The following CLDN14 variants were observed in gnomAD, a reference collection of about 807,000 sequenced individuals.
The protein encoded by CLDN14 is claudin-14.
In CLDN14, 2 loss-of-function variants were observed where a neutral mutation model predicts 2.1. The observed-to-expected ratio is 0.96, with a 90% CI of 0.39 to 3.01. The LOEUF (loss-of-function observed/expected upper bound fraction) is 3.01, where lower values mean the gene tolerates loss of function less well. Among genes scored for constraint, CLDN14 ranks in the 30% most tolerant of loss-of-function variants. The pLI is 0.09. For synonymous variants in CLDN14, 136 were observed against 154.4 expected (o/e 0.88, Z 0.88); for missense variants, 298 against 328.0 (o/e 0.91, Z 0.71).
intron 1 of CLDN14, among the ~76,000 whole-genome samples, chr21:36,525,931 A>T (rs1013424859): frequency 6.6e-6 from 1 of 152,130 alleles, no homozygotes; most frequent in African/African-American, 2.4e-5. Context: ...CCTGCCCACA[A>T]AAAGCCTGGC....
chr21:36,495,814 G>A (rs2087011218), intron 2 of CLDN14, among the ~76,000 whole-genome samples: 1 of 152,184 alleles, frequency 6.6e-6, no homozygotes, highest in Non-Finnish European at 1.5e-5. Flanking sequence ...AGGTCACAGT[G>A]GATTAGGGTG....
intron 1 of CLDN14, among the ~76,000 whole-genome samples, chr21:36,476,798 G>A (rs1375748351): frequency 1.3e-5 from 2 of 152,228 alleles, no homozygotes; most frequent in African/African-American, 2.4e-5. Flanking sequence ...AGGCCCCAAA[G>A]CATACACTCA....
At chr21:36,541,515 A>G (rs576849420) in intron 1 of CLDN14, among the ~76,000 whole-genome samples, 14 of 152,334 alleles carry the variant, frequency 9.2e-5, no homozygotes, top group South Asian at 2.1e-4. Flanking sequence ...TATAAAGCCG[A>G]TTGTCTAATA....
intron 1 of CLDN14, among the ~76,000 whole-genome samples, chr21:36,478,385 A>G (rs1402718196): frequency 6.6e-6 from 1 of 152,230 alleles, no homozygotes; most frequent in Non-Finnish European, 1.5e-5. Context: ...CACTGTCTAC[A>G]CAGGAATGAC....
At chr21:36,556,436 T>C (rs2087599667) in intron 1 of CLDN14, among the ~76,000 whole-genome samples, 1 of 152,122 alleles carries the variant, frequency 6.6e-6, no homozygotes, top group Admixed American at 6.5e-5. Flanking sequence ...TTGGGATCTC[T>C]TTATGGGGGT....
chr21:36,488,529 C>G (rs941674251), intron 2 of CLDN14, among the ~76,000 whole-genome samples: 53 of 152,030 alleles, frequency 3.5e-4, no homozygotes, highest in African/African-American at 1.2e-3. Flanking sequence ...CTCGGCCTCC[C>G]AAAGTGCTGG....
chr21:36,520,110 G>C (rs1382148078), intron 1 of CLDN14, among the ~76,000 whole-genome samples: 4 of 152,084 alleles, frequency 2.6e-5, no homozygotes, highest in African/African-American at 9.7e-5. Context: ...GCCCCTCCCT[G>C]GCTTCTAAAC....
At position 36,486,702 on chromosome 21, in the gene CLDN14, CCTT is replaced by C. The variant is rs1364648071; in HGVS notation, c.-82+23658_-82+23660del. 11 of 1,277,218 alleles carry C rather than the reference CCTT, an allele frequency of 8.6e-6. No individual in the cohort carries two copies. The Admixed American group carries it at 1.2e-4, about 14-fold the overall frequency. The allele number at this position is 1,277,218 out of a possible 1,614,324, so 79.1% of individuals were successfully genotyped here. A position where few individuals can be genotyped will look rare whatever the true frequency, so the allele number is the denominator to read the frequency against. ...TTTATCATGTCAACATTTACTTTCT[CCTT>C]CTTGAGGAATTTAGCCAGTTTCACC... On this transcript the variant is annotated intron_variant, in intron 2 of 2. Coordinates refer to the CLDN14 transcript ENST00000342108.
intron 1 of CLDN14, among the ~76,000 whole-genome samples, chr21:36,547,151 A>T (rs1289515571): frequency 6.6e-6 from 1 of 152,232 alleles, no homozygotes; most frequent in Non-Finnish European, 1.5e-5. Context: ...TGTGTTTTCA[A>T]GTTGACAAAT....
chr21:36,511,077 A>G (rs2087182906), intron 1 of CLDN14, among the ~76,000 whole-genome samples: 2 of 152,188 alleles, frequency 1.3e-5, no homozygotes. Flanking sequence ...TCCGATGGTC[A>G]TGGCTATTTC....
At chr21:36,488,713 G>T (rs2086926510) in intron 2 of CLDN14, among the ~76,000 whole-genome samples, 1 of 152,158 alleles carries the variant, frequency 6.6e-6, no homozygotes, top group Admixed American at 6.5e-5. Flanking sequence ...GGAGGAGAAA[G>T]CTCCGGAGAG....
At chr21:36,489,847 G>A (rs1209184986) in intron 2 of CLDN14, among the ~76,000 whole-genome samples, 1 of 152,122 alleles carries the variant, frequency 6.6e-6, no homozygotes, top group Non-Finnish European at 1.5e-5. Flanking sequence ...TCCCATCCAA[G>A]CCCCAAGTTC....
At position 36,498,249 on chromosome 21, in the gene CLDN14, C is replaced by G. The variant is rs2087057433; in HGVS notation, c.-82+12114G>C. 6.6e-6 allele frequency among the ~76,000 whole-genome samples: 1 copy of G among 152,142 alleles called. No individual in the cohort carries two copies. The highest frequency in any genetic ancestry group is 2.4e-5 in the African/African-American group (1 of 41,428). ...CTCCTGACCTCAGGCGGTCCACCTGCCTTGGCCTCCCAAAGTGCTGGGATT... is the reference window on the plus strand; with the variant it reads ...CTCCTGACCTCAGGCGGTCCACCTGGCTTGGCCTCCCAAAGTGCTGGGATT... On this transcript the variant is annotated intron_variant, in intron 2 of 2. Coordinates refer to the CLDN14 transcript ENST00000342108. The surrounding 1 kb of genome is among the most constrained non-coding windows in gnomAD (Gnocchi z 4.9).
At chr21:36,518,809 T>A (rs2087247949) in intron 1 of CLDN14, among the ~76,000 whole-genome samples, 1 of 152,266 alleles carries the variant, frequency 6.6e-6, no homozygotes, top group South Asian at 2.1e-4. Context: ...GGCACACAAT[T>A]AATGGGAATA....
At chr21:36,525,654 C>T (rs944309843) in intron 1 of CLDN14, among the ~76,000 whole-genome samples, 2 of 152,080 alleles carry the variant, frequency 1.3e-5, no homozygotes, top group African/African-American at 2.4e-5. Flanking sequence ...ATGGAAAGGG[C>T]GGGTGATGGG....
At chr21:36,485,607 G>A (rs911626610) in intron 2 of CLDN14, among the ~76,000 whole-genome samples, 15 of 152,192 alleles carry the variant, frequency 9.9e-5, no homozygotes, top group African/African-American at 3.4e-4. Flanking sequence ...ACTAGTGATC[G>A]CAGCAGTCAA....
chr21:36,484,475 G>A (rs76269285), upstream of CLDN14, among the ~76,000 whole-genome samples: 1 of 152,132 alleles, frequency 6.6e-6, no homozygotes, highest in Non-Finnish European at 1.5e-5. Flanking sequence ...AAGGCCAAGA[G>A]TCCAAAACCA....
intron 2 of CLDN14, chr21:36,486,603 C>T (rs1161828494): frequency 2.1e-5 from 32 of 1,545,256 alleles, no homozygotes; most frequent in South Asian, 8.9e-5. Flanking sequence ...AGATGAGAAC[C>T]GCTTCCATCT....
chr21:36,486,169 A>G (rs760426729), intron 2 of CLDN14: 9 of 1,179,082 alleles, frequency 7.6e-6, no homozygotes, highest in Non-Finnish European at 1.1e-5. Flanking sequence ...CTGGCTGGCA[A>G]GTGTCCATGG....
Sources: gnomAD v4.1 joint callset for allele counts (sites outside exome capture counted in the v4.1 genomes callset) on GRCh38, gnomAD v4.1.1 for gene constraint, Gnocchi (gnomAD v3.1) non-coding constraint, MANE v1.5 for transcripts, NCBI Gene and HGNC (gene_info 2026-07-23, HGNC 2026-07-21) for gene names.